UNC13B: variants seen among roughly 807,000 people sequenced by gnomAD.
UNC13B encodes the protein unc-13 homolog B.
A neutral mutation model predicts 211.0 loss-of-function variants in UNC13B; 144 were observed. That is an observed-to-expected ratio of 0.68 (90% CI 0.60 to 0.78). UNC13B has a LOEUF of 0.78. UNC13B is among the 30% of genes least tolerant of loss of function. The pLI, the probability that UNC13B is intolerant of heterozygous loss-of-function variation, is 0.00. For synonymous variants in UNC13B, 709 were observed against 725.8 expected, an observed-to-expected ratio of 0.98 and a Z score of 0.37; for missense variants, 1,777 against 2,002.0, an observed-to-expected ratio of 0.89 and a Z score of 2.14.
intron 12 of UNC13B, among the ~76,000 whole-genome samples, chr9:35,367,816 G>A (rs1045338433): frequency 1.3e-5 from 2 of 152,122 alleles, no homozygotes; most frequent in African/African-American, 2.4e-5. Context: ...GCTCAGTGTA[G>A]CCTGTAACTG....
intron 11 of UNC13B, chr9:35,364,524 C>A (rs1300875956): frequency 1.3e-6 from 2 of 1,535,296 alleles, no homozygotes; most frequent in Non-Finnish European, 1.7e-6. Context: ...GCCCTTTTTT[C>A]TGCTCTTTCT....
At chr9:35,266,541 A>G (rs1415196078) in intron 7 of UNC13B, among the ~76,000 whole-genome samples, 3 of 152,200 alleles carry the variant, frequency 2.0e-5, no homozygotes, top group Non-Finnish European at 4.4e-5. Context: ...TCTCTATTTA[A>G]AAATAAATAA....
At chr9:35,171,118 T>C (rs1233548456) in intron 1 of UNC13B, among the ~76,000 whole-genome samples, 2 of 148,636 alleles carry the variant, frequency 1.3e-5, no homozygotes, top group East Asian at 2.0e-4. Context: ...TCCTTTTTTT[T>C]TGAGATGGAG....
chr9:35,243,516 G>T, intron 6 of UNC13B, 152 bp downstream of exon 6: 1 of 728,354 alleles, frequency 1.4e-6, no homozygotes, highest in Non-Finnish European at 2.3e-6. Flanking sequence ...AAGATTGCCT[G>T]AAATGTCACT....
At chr9:35,182,725 C>T (rs1197919797) in intron 1 of UNC13B, among the ~76,000 whole-genome samples, 1 of 152,168 alleles carries the variant, frequency 6.6e-6, no homozygotes. Flanking sequence ...ACATCTTGCA[C>T]CGCCCTTAAT....
intron 1 of UNC13B, among the ~76,000 whole-genome samples, chr9:35,201,750 C>T (rs1303488443): frequency 5.3e-5 from 8 of 151,948 alleles, no homozygotes; most frequent in East Asian, 1.9e-4. Flanking sequence ...GTCTTGCTAG[C>T]GGTCTATCAA....
intron 11 of UNC13B, among the ~76,000 whole-genome samples, chr9:35,359,847 C>T (rs1833279955): frequency 6.6e-6 from 1 of 152,184 alleles, no homozygotes; most frequent in South Asian, 2.1e-4. Flanking sequence ...AACCTTGTCC[C>T]TCTACAGTCT....
chr9:35,184,833 GGAGAAAGA>G (rs1564054222), intron 1 of UNC13B, among the ~76,000 whole-genome samples: 3 of 103,824 alleles, frequency 2.9e-5, no homozygotes, highest in African/African-American at 7.8e-5. Flanking sequence ...GAGAGAGAGA[GGAGAAAGA>G]AAGAAAGAAA....
chr9:35,219,155 C>A (rs1824431076), intron 1 of UNC13B, among the ~76,000 whole-genome samples: 1 of 152,140 alleles, frequency 6.6e-6, no homozygotes, highest in Non-Finnish European at 1.5e-5. Context: ...TTCTATAGAA[C>A]AAATATATTT....
At chr9:35,352,149 A>G in intron 11 of UNC13B, 1 of 1,232,348 alleles carries the variant, frequency 8.1e-7, no homozygotes, top group Non-Finnish European at 1.0e-6. Flanking sequence ...GAAAAGGCCC[A>G]GGAACCCCAC....
rs369351802 is a variant in UNC13B at position 35,275,638 on chromosome 9, G to A, written c.526+16588G>A. ...GATGGAGTCTCGCTTTGTTGCCCAGGTTGGAGCGTAGTGGTGTGATCTCGG... is the reference window on the plus strand; with the variant it reads ...GATGGAGTCTCGCTTTGTTGCCCAGATTGGAGCGTAGTGGTGTGATCTCGG... On this transcript the variant is annotated intron_variant, in intron 7 of 39. Transcript: ENST00000635942. 7.5e-4 allele frequency among the ~76,000 whole-genome samples: 114 copies of A among 152,252 alleles called. 1 individual carries two copies. The South Asian group carries it at 0.018, about 25-fold the overall frequency.
At chr9:35,334,231 G>T (rs1018113553) in intron 11 of UNC13B, among the ~76,000 whole-genome samples, 1 of 152,202 alleles carries the variant, frequency 6.6e-6, no homozygotes, top group African/African-American at 2.4e-5. Flanking sequence ...CTCCCAAAGT[G>T]CTGGGATTGC....
chr9:35,385,444 T>C, intron 22 of UNC13B: 1 of 985,442 alleles, frequency 1.0e-6, no homozygotes, highest in Non-Finnish European at 1.2e-6. Flanking sequence ...GCCTGTGTGT[T>C]CCTTTGTACA....
At chr9:35,381,337 T>C (rs1834822076) in intron 19 of UNC13B, 122 bp downstream of exon 19, 2 of 1,012,120 alleles carry the variant, frequency 2.0e-6, no homozygotes, top group African/African-American at 3.3e-5. Context: ...CTTGATTCAC[T>C]CTGTTACCCT....
chr9:35,289,930 C>T (rs928675721), intron 7 of UNC13B, among the ~76,000 whole-genome samples: 5 of 152,038 alleles, frequency 3.3e-5, no homozygotes, highest in African/African-American at 9.7e-5. Flanking sequence ...GAGCCGAGAT[C>T]GTGTCACCGC....
intron 6 of UNC13B, among the ~76,000 whole-genome samples, chr9:35,254,066 C>T (rs1011907183): frequency 1.3e-5 from 2 of 152,110 alleles, no homozygotes; most frequent in Non-Finnish European, 2.9e-5. Context: ...TCAGTTATTA[C>T]GCATCAGGTA....
chr9:35,210,586 C>T (rs1314254004), intron 1 of UNC13B, among the ~76,000 whole-genome samples: 2 of 151,780 alleles, frequency 1.3e-5, no homozygotes, highest in East Asian at 1.9e-4. Flanking sequence ...TGCAGTGGCA[C>T]GATCTTAGCT....
intron 1 of UNC13B, among the ~76,000 whole-genome samples, chr9:35,223,517 A>G (rs1490030636): frequency 2.7e-5 from 4 of 149,748 alleles, no homozygotes; most frequent in Non-Finnish European, 5.9e-5. Flanking sequence ...TCCTTTGTCC[A>G]CTTTTTAATG....
intron 7 of UNC13B, among the ~76,000 whole-genome samples, chr9:35,293,953 T>C (rs529287430): frequency 6.6e-6 from 1 of 152,284 alleles, no homozygotes; most frequent in East Asian, 1.9e-4. Flanking sequence ...TAAACTCAAA[T>C]AGGAAAAGCT....
Sources: allele counts gnomAD v4.1 joint callset (sites outside exome capture counted in the v4.1 genomes callset), GRCh38; gene constraint gnomAD v4.1.1; transcripts MANE v1.5; gene names NCBI Gene and HGNC (gene_info 2026-07-23, HGNC 2026-07-21).